DLG2: variants seen among roughly 807,000 people sequenced by gnomAD.
DLG2 encodes disks large homolog 2.
Under a neutral mutation model 132.5 loss-of-function variants are expected in DLG2, and 45 were observed. The observed-to-expected ratio is 0.34, with a 90% CI of 0.27 to 0.44. The LOEUF (loss-of-function observed/expected upper bound fraction) is 0.44. Among genes scored for constraint, DLG2 ranks in the 20% least tolerant of loss-of-function variants. DLG2 has a pLI of 1.00. For missense variants in DLG2, 1,045 were observed against 1,196.9 expected (o/e 0.87, Z 1.87); for synonymous variants, 424 against 419.6 (o/e 1.01, Z -0.13).
At chr11:83,562,915 C>G (rs2096636638) in intron 19 of DLG2, among the ~76,000 whole-genome samples, 1 of 148,732 alleles carries the variant, frequency 6.7e-6, no homozygotes, top group Non-Finnish European at 1.5e-5. Flanking sequence ...GTAGGTTGTT[C>G]TCTGCACATG....
At chr11:84,028,989 TTAAA>T (rs1241794418) in intron 11 of DLG2, among the ~76,000 whole-genome samples, 1 of 152,108 alleles carries the variant, frequency 6.6e-6, no homozygotes, top group African/African-American at 2.4e-5. Flanking sequence ...CTCTAAATGA[TTAAA>T]TGAATGAATG....
chr11:84,182,461 T>A (rs2096159923), intron 8 of DLG2, among the ~76,000 whole-genome samples: 1 of 151,560 alleles, frequency 6.6e-6, no homozygotes, highest in Non-Finnish European at 1.5e-5. Context: ...CCCAGGAGGT[T>A]GAGGCTACAG....
intron 9 of DLG2, among the ~76,000 whole-genome samples, chr11:84,109,746 C>G (rs6592164): frequency 6.6e-6 from 1 of 152,006 alleles, no homozygotes; most frequent in Non-Finnish European, 1.5e-5. Context: ...ATCTTCTACT[C>G]CTAATGACAT....
intron 15 of DLG2, among the ~76,000 whole-genome samples, chr11:83,883,130 T>C (rs2066776858): frequency 6.6e-6 from 1 of 152,224 alleles, no homozygotes; most frequent in Non-Finnish European, 1.5e-5. Context: ...TCTTACACTT[T>C]GCATTTCTAT....
intron 3 of DLG2, among the ~76,000 whole-genome samples, chr11:85,311,836 A>G (rs1261552713): frequency 6.6e-6 from 1 of 152,016 alleles, no homozygotes; most frequent in Non-Finnish European, 1.5e-5. Flanking sequence ...TTTTTATTCA[A>G]TAGAATTTCA....
intron 11 of DLG2, among the ~76,000 whole-genome samples, chr11:84,043,435 G>A (rs965295887): frequency 8.6e-5 from 13 of 151,720 alleles, no homozygotes; most frequent in South Asian, 4.2e-4. Flanking sequence ...TGTTATATAC[G>A]TAAACTCGGG....
Position 83,731,013 on chromosome 11 carries a change from C to T in DLG2, c.1825+55677G>A, listed in dbSNP as rs1451888714. 2.0e-5 allele frequency among the ~76,000 whole-genome samples: 3 copies of T among 152,136 alleles called. 1 individual carries two copies. The highest frequency in any genetic ancestry group is 2.0e-4 in the Admixed American group (3 of 15,276). On this transcript the variant is annotated intron_variant, in intron 18 of 27. Coordinates refer to ENST00000376104, the MANE Select transcript of DLG2 (RefSeq NM_001142699.3). ...AAATAAAGCTCATTTTATAGATAGG[C>T]TAGTGGTTATGAGTTTATTCTGTTG...
intron 6 of DLG2, among the ~76,000 whole-genome samples, chr11:84,884,546 A>G (rs190900178): frequency 5.9e-5 from 9 of 152,252 alleles, no homozygotes; most frequent in Admixed American, 1.3e-4. Flanking sequence ...GTAATGGGTG[A>G]CCATTCAATG....
chr11:84,647,698 C>A (rs1452613727), intron 6 of DLG2, among the ~76,000 whole-genome samples: 2 of 152,168 alleles, frequency 1.3e-5, no homozygotes, highest in African/African-American at 2.4e-5. Flanking sequence ...CAGATGAGAG[C>A]TCACATCTAG....
intron 18 of DLG2, chr11:83,682,461 G>A: frequency 7.1e-6 from 7 of 984,532 alleles, no homozygotes; most frequent in Non-Finnish European, 7.2e-6. Flanking sequence ...ATTGGTGTTT[G>A]GGATGTACCA....
At chr11:85,480,549 C>T (rs769596272) in intron 3 of DLG2, among the ~76,000 whole-genome samples, 5 of 152,128 alleles carry the variant, frequency 3.3e-5, no homozygotes, top group Non-Finnish European at 5.9e-5. Context: ...CAAAATAAAA[C>T]ATATATTGTT....
chr11:85,339,805 A>G (rs978309911), intron 3 of DLG2, among the ~76,000 whole-genome samples: 2 of 152,240 alleles, frequency 1.3e-5, no homozygotes, highest in African/African-American at 4.8e-5. Flanking sequence ...AAAAGCAAAC[A>G]ACCGCATCAA....
At chr11:85,333,083 A>C (rs1044712233) in intron 3 of DLG2, among the ~76,000 whole-genome samples, 1 of 152,182 alleles carries the variant, frequency 6.6e-6, no homozygotes, top group Non-Finnish European at 1.5e-5. Context: ...ATCCATGAGC[A>C]TGGAATAATT....
intron 6 of DLG2, among the ~76,000 whole-genome samples, chr11:84,651,828 T>G (rs2099682399): frequency 6.6e-6 from 1 of 152,186 alleles, no homozygotes; most frequent in Admixed American, 6.5e-5. Flanking sequence ...AGGTGAAAAC[T>G]CTGTGATCCA....
chr11:83,649,060 C>G (rs1191324521), intron 18 of DLG2, among the ~76,000 whole-genome samples: 2 of 151,960 alleles, frequency 1.3e-5, no homozygotes, highest in African/African-American at 4.8e-5. Context: ...CTGGTAAAAG[C>G]TTGGATTAGA....
At chr11:85,467,896 T>C (rs2092847664) in intron 3 of DLG2, among the ~76,000 whole-genome samples, 1 of 152,220 alleles carries the variant, frequency 6.6e-6, no homozygotes, top group Non-Finnish European at 1.5e-5. Flanking sequence ...TACCAGCAAC[T>C]CCTTGTACCT....
chr11:84,172,455 G>A (rs554025543), intron 8 of DLG2, among the ~76,000 whole-genome samples: 16 of 152,026 alleles, frequency 1.1e-4, no homozygotes, highest in South Asian at 1.0e-3. Context: ...CGAGCTCAGC[G>A]AATGCTAAAT....
chr11:83,718,781 A>C (rs1414398157), intron 18 of DLG2, among the ~76,000 whole-genome samples: 2 of 152,108 alleles, frequency 1.3e-5, no homozygotes, highest in Non-Finnish European at 2.9e-5. Flanking sequence ...AGAAGACAAT[A>C]TTGAAGAAAA....
intron 7 of DLG2, among the ~76,000 whole-genome samples, chr11:84,363,264 T>C (rs2154422706): frequency 6.6e-6 from 1 of 152,184 alleles, no homozygotes; most frequent in Non-Finnish European, 1.5e-5. Flanking sequence ...TAGCCAGTGA[T>C]GGTGAGGATT....
Sources: gnomAD v4.1 joint callset for allele counts (sites outside exome capture counted in the v4.1 genomes callset) on GRCh38, gnomAD v4.1.1 for gene constraint, MANE v1.5 for transcripts, NCBI Gene and HGNC (gene_info 2026-07-23, HGNC 2026-07-21) for gene names.